HDAC9: variants seen among roughly 807,000 people sequenced by gnomAD.
The protein encoded by HDAC9 is histone deacetylase 9.
A neutral mutation model predicts 139.4 loss-of-function variants in HDAC9; 41 were observed. That is an observed-to-expected ratio of 0.29 (90% CI 0.23 to 0.38). The LOEUF is 0.38. Ranked by LOEUF, HDAC9 falls within the 10% of genes least tolerant of loss-of-function variation. The pLI, the probability that HDAC9 is intolerant of heterozygous loss-of-function variation, is 1.00. For missense variants in HDAC9, 1,147 were observed against 1,297.0 expected (o/e 0.88, Z 1.78); for synonymous variants, 517 against 476.2 (o/e 1.09, Z -1.12).
At chr7:18,927,557 C>CTCT (rs1804348416) in intron 22 of HDAC9, among the ~76,000 whole-genome samples, 1 of 152,264 alleles carries the variant, frequency 6.6e-6, no homozygotes, top group African/African-American at 2.4e-5. Context: ...GATATAACTA[C>CTCT]AGAAGGTAGT....
At chr7:18,771,516 C>G (rs1790289092) in intron 16 of HDAC9, among the ~76,000 whole-genome samples, 1 of 151,460 alleles carries the variant, frequency 6.6e-6, no homozygotes, top group Non-Finnish European at 1.5e-5. Flanking sequence ...GCTCTCCCCT[C>G]TTATTTATAA....
intron 12 of HDAC9, among the ~76,000 whole-genome samples, chr7:18,718,217 G>C (rs542460711): frequency 9.4e-4 from 143 of 152,024 alleles, no homozygotes; most frequent in Non-Finnish European, 1.8e-3. Context: ...CGTATTGTAT[G>C]GTATGTGTTT....
At chr7:18,758,785 A>G (rs1347184912) in intron 14 of HDAC9, among the ~76,000 whole-genome samples, 1 of 135,056 alleles carries the variant, frequency 7.4e-6, no homozygotes, top group Non-Finnish European at 1.5e-5. Context: ...TACAGGTAGA[A>G]ACATTTTTTT....
chr7:18,863,348 T>C (rs1327669413), intron 21 of HDAC9, among the ~76,000 whole-genome samples: 1 of 152,212 alleles, frequency 6.6e-6, no homozygotes, highest in Non-Finnish European at 1.5e-5. Context: ...ATGGGCCACA[T>C]GGGGCCCAGG....
chr7:18,733,829 T>C (rs1584940076), intron 13 of HDAC9, among the ~76,000 whole-genome samples: 1 of 152,150 alleles, frequency 6.6e-6, no homozygotes, highest in Non-Finnish European at 1.5e-5. Context: ...TGATCAAATG[T>C]TCAAGGGGTT....
intron 1 of HDAC9, among the ~76,000 whole-genome samples, chr7:18,442,411 A>G (rs1293976323): frequency 6.6e-6 from 1 of 152,196 alleles, no homozygotes; most frequent in Non-Finnish European, 1.5e-5. Flanking sequence ...TTATTTCCCC[A>G]CCAGTTGCCG....
chr7:18,666,563 G>A (rs767800852), intron 12 of HDAC9, 87 bp downstream of exon 12: 1 of 1,527,784 alleles, frequency 6.5e-7, no homozygotes, highest in Non-Finnish European at 8.8e-7. Context: ...AAATGGATAT[G>A]ATTTCCTATC....
chr7:18,574,946 G>GTCCATAGCT (rs1299916771), intron 2 of HDAC9, among the ~76,000 whole-genome samples: 1 of 152,204 alleles, frequency 6.6e-6, no homozygotes, highest in Non-Finnish European at 1.5e-5. Context: ...CGGAGGGTGG[G>GTCCATAGCT]GCTTCTGCCC....
rs538705146 is a variant in HDAC9 at position 18,475,418 on chromosome 7, T to C, written c.-41-20844T>C. Among the ~76,000 whole-genome samples, 74 of 152,312 alleles carry C rather than the reference T, an allele frequency of 4.9e-4. 2 individuals carry two copies. In the South Asian group the frequency reaches 0.012, roughly 25 times the overall value. On this transcript the variant is annotated intron_variant, in intron 1 of 3. Coordinates refer to the HDAC9 transcript ENST00000413509. ...TTAGAAGCAAGAATATGGATAAATA[T>C]TTTTGGTTACCATTTCCCCTGTCCC...
chr7:18,148,077 T>C (rs919634790), intron 1 of HDAC9, among the ~76,000 whole-genome samples: 4 of 152,192 alleles, frequency 2.6e-5, no homozygotes, highest in Admixed American at 2.6e-4. Flanking sequence ...CTCAAGAAGA[T>C]GTTGGGGAAT....
chr7:18,917,817 C>G (rs1803343242), intron 22 of HDAC9, among the ~76,000 whole-genome samples: 1 of 151,898 alleles, frequency 6.6e-6, no homozygotes. Context: ...AGATGAAATT[C>G]AGGCCCCCAA....
At chr7:18,439,074 C>G (rs576400497) in intron 1 of HDAC9, among the ~76,000 whole-genome samples, 1 of 152,108 alleles carries the variant, frequency 6.6e-6, no homozygotes, top group African/African-American at 2.4e-5. Context: ...TGTGAGTACC[C>G]TCCACTTAAG....
At chr7:18,766,785 A>C (rs55641428) in intron 15 of HDAC9, among the ~76,000 whole-genome samples, 6 of 152,310 alleles carry the variant, frequency 3.9e-5, no homozygotes, top group African/African-American at 1.4e-4. Flanking sequence ...GTAATGTATA[A>C]TATAGACATG....
chr7:18,427,001 G>T (rs1438204136), intron 1 of HDAC9, among the ~76,000 whole-genome samples: 1 of 151,946 alleles, frequency 6.6e-6, no homozygotes, highest in East Asian at 1.9e-4. Flanking sequence ...GAAGAAAGTA[G>T]CTCTGAATGA....
At chr7:18,908,628 A>G (rs1802481903) in intron 22 of HDAC9, among the ~76,000 whole-genome samples, 1 of 152,044 alleles carries the variant, frequency 6.6e-6, no homozygotes, top group Admixed American at 6.6e-5. Flanking sequence ...TCCACATGTA[A>G]GTGAGATTGT....
chr7:18,602,002 C>T (rs1359348389), intron 6 of HDAC9, among the ~76,000 whole-genome samples: 2 of 152,064 alleles, frequency 1.3e-5, no homozygotes, highest in Non-Finnish European at 2.9e-5. Context: ...AGGAAGTAGT[C>T]CTCCTATTTT....
intron 2 of HDAC9, among the ~76,000 whole-genome samples, chr7:18,523,452 A>T (rs1334406835): frequency 6.6e-6 from 1 of 152,216 alleles, no homozygotes; most frequent in East Asian, 1.9e-4. Flanking sequence ...AGAGTCTGAG[A>T]TTTCCACATT....
chr7:18,411,754 G>A (rs943025165), intron 1 of HDAC9, among the ~76,000 whole-genome samples: 12 of 150,256 alleles, frequency 8.0e-5, no homozygotes, highest in Admixed American at 2.6e-4. Context: ...GAAATTTAAG[G>A]TAGACTAGGC....
chr7:18,790,409 A>ATGTGAG (rs1370551800), intron 16 of HDAC9, among the ~76,000 whole-genome samples: 2 of 71,342 alleles, frequency 2.8e-5, no homozygotes, highest in Non-Finnish European at 6.3e-5. Flanking sequence ...AGGAAAGGGC[A>ATGTGAG]TGTGAGGATG....
Sources: gnomAD v4.1 joint callset for allele counts (sites outside exome capture counted in the v4.1 genomes callset) on GRCh38, gnomAD v4.1.1 for gene constraint, MANE v1.5 for transcripts, NCBI Gene and HGNC (gene_info 2026-07-23, HGNC 2026-07-21) for gene names.